BLTP3B: variants seen among roughly 807,000 people sequenced by gnomAD.
BLTP3B encodes bridge-like lipid transfer protein family member 3B.
chr12:100,037,882 T>A, the BLTP3B span: 1 of 785,058 alleles, frequency 1.3e-6, no homozygotes, highest in Non-Finnish European at 1.9e-6. Context: ...AGAGTGCACT[T>A]AAGCTGAAAA....
At chr12:100,120,831 C>T in the BLTP3B span, among the ~76,000 whole-genome samples, 8 of 152,008 alleles carry the variant, frequency 5.3e-5, no homozygotes, top group African/African-American at 9.7e-5. Flanking sequence ...TATGTCCTCA[C>T]GAAGATTTAT....
At chr12:100,043,717 C>A in the BLTP3B span, among the ~76,000 whole-genome samples, 1 of 152,192 alleles carries the variant, frequency 6.6e-6, no homozygotes, top group African/African-American at 2.4e-5. Flanking sequence ...TTCCTGGGGG[C>A]TTAGCAGCTG....
the BLTP3B span, among the ~76,000 whole-genome samples, chr12:100,119,285 A>T: frequency 6.7e-6 from 1 of 150,100 alleles, no homozygotes; most frequent in Non-Finnish European, 1.5e-5. Flanking sequence ...TGTTGCAAGA[A>T]ATTGAAGAAG....
At chr12:100,098,517 T>A in the BLTP3B span, 1 of 1,612,578 alleles carries the variant, frequency 6.2e-7, no homozygotes, top group East Asian at 2.2e-5. Context: ...TTCCCTCAAC[T>A]ACTTTTTCAG....
chr12:100,101,257 T>C, the BLTP3B span, among the ~76,000 whole-genome samples: 3 of 152,316 alleles, frequency 2.0e-5, no homozygotes, highest in East Asian at 5.8e-4. Context: ...ACCTGGCCTT[T>C]AGTCAACTCT....
the BLTP3B span, chr12:100,103,842 T>C: frequency 2.4e-6 from 3 of 1,248,024 alleles, no homozygotes; most frequent in South Asian, 3.9e-5. Flanking sequence ...AAACAAAAGA[T>C]TACTATGAAC....
At chr12:100,090,947 C>T in the BLTP3B span, among the ~76,000 whole-genome samples, 1 of 150,980 alleles carries the variant, frequency 6.6e-6, no homozygotes, top group Non-Finnish European at 1.5e-5. Context: ...TTTCTTAATA[C>T]TATGGTAAAG....
At chr12:100,142,112 T>C in the BLTP3B span, among the ~76,000 whole-genome samples, 1 of 152,052 alleles carries the variant, frequency 6.6e-6, no homozygotes, top group Non-Finnish European at 1.5e-5. Context: ...AGGTTAACGT[T>C]CCACTGAGAA....
At chr12:100,072,651 A>G in the BLTP3B span, 2 of 1,470,696 alleles carry the variant, frequency 1.4e-6, no homozygotes, top group South Asian at 2.9e-5. Context: ...ATGGACAAAT[A>G]ATAATTAAAA....
the BLTP3B span, among the ~76,000 whole-genome samples, chr12:100,093,864 TATC>T: frequency 6.6e-6 from 1 of 152,096 alleles, no homozygotes. Context: ...TACCAGAAAA[TATC>T]ATGATCTTTA....
At chr12:100,106,562 G>A in the BLTP3B span, among the ~76,000 whole-genome samples, 1 of 152,132 alleles carries the variant, frequency 6.6e-6, no homozygotes, top group Non-Finnish European at 1.5e-5. Flanking sequence ...GGTATGCAAA[G>A]GCATACAGAG....
At chr12:100,068,695 T>G in the BLTP3B span, among the ~76,000 whole-genome samples, 1 of 151,596 alleles carries the variant, frequency 6.6e-6, no homozygotes, top group Admixed American at 6.6e-5. Context: ...AGACAATGAG[T>G]AGACAGTTCT....
the BLTP3B span, among the ~76,000 whole-genome samples, chr12:100,128,047 G>C: frequency 4.9e-3 from 744 of 152,082 alleles, 4 homozygotes; most frequent in Non-Finnish European, 8.4e-3. Flanking sequence ...AACAAAAAAA[G>C]AATCCCATTT....
At chr12:100,142,667 C>T in the BLTP3B span, 2 of 1,600,584 alleles carry the variant, frequency 1.2e-6, no homozygotes, top group Non-Finnish European at 1.7e-6. Context: ...GCGGTCTCGT[C>T]CTGTTGCTCA....
At chr12:100,062,083 G>T in the BLTP3B span, among the ~76,000 whole-genome samples, 2 of 152,138 alleles carry the variant, frequency 1.3e-5, no homozygotes, top group East Asian at 3.8e-4. Flanking sequence ...GAAAACAAAG[G>T]GGAAAGATGA....
chr12:100,126,338 G>C, the BLTP3B span, among the ~76,000 whole-genome samples: 2 of 152,100 alleles, frequency 1.3e-5, no homozygotes, highest in African/African-American at 4.8e-5. Flanking sequence ...ACTGAAGCCA[G>C]ATCATGAAGG....
chr12:100,132,082 G>A, the BLTP3B span, among the ~76,000 whole-genome samples: 13 of 152,190 alleles, frequency 8.5e-5, no homozygotes, highest in East Asian at 3.9e-4. Context: ...GTGAACCACC[G>A]TGCCCAGCCA....
the BLTP3B span, among the ~76,000 whole-genome samples, chr12:100,068,975 C>A: frequency 6.6e-6 from 1 of 152,192 alleles, no homozygotes; most frequent in Non-Finnish European, 1.5e-5. Flanking sequence ...TGGTGGCTCC[C>A]GCCTGTCATC....
At chr12:100,127,965 A>C in the BLTP3B span, among the ~76,000 whole-genome samples, 1 of 152,116 alleles carries the variant, frequency 6.6e-6, no homozygotes, top group Non-Finnish European at 1.5e-5. Flanking sequence ...ATGAGCTGTG[A>C]CTGCACTACT....
Sources: gnomAD v4.1 joint callset for allele counts (sites outside exome capture counted in the v4.1 genomes callset) on GRCh38, gnomAD v4.1.1 for gene constraint, MANE v1.5 for transcripts, NCBI Gene and HGNC (gene_info 2026-07-23, HGNC 2026-07-21) for gene names.